ARHGAP6: variants seen among roughly 807,000 people sequenced by gnomAD.
ARHGAP6 encodes rho GTPase-activating protein 6.
In ARHGAP6, 16 loss-of-function variants were observed where a neutral mutation model predicts 55.7. That is an observed-to-expected ratio of 0.29 (90% confidence interval 0.19 to 0.44). ARHGAP6 has a LOEUF of 0.44. Ranked by LOEUF, ARHGAP6 falls within the 20% of genes least tolerant of loss-of-function variation. The pLI is 1.00. For missense variants in ARHGAP6, 698 were observed against 808.9 expected (o/e 0.86, Z 1.66); for synonymous variants, 382 against 360.9 (o/e 1.06, Z -0.66).
intron 1 of ARHGAP6, among the ~76,000 whole-genome samples, chrX:11,401,666 A>G (rs902328444): frequency 8.9e-6 from 1 of 111,832 alleles, no homozygotes; most frequent in Non-Finnish European, 1.9e-5. Context: ...TTACATGTTA[A>G]GAGCTACAGG....
intron 12 of ARHGAP6, among the ~76,000 whole-genome samples, chrX:11,141,299 C>T (rs960227004): frequency 9.0e-6 from 1 of 111,241 alleles, no homozygotes; most frequent in African/African-American, 3.3e-5. Context: ...GACTATCCAA[C>T]GCTGAACTGA....
intron 2 of ARHGAP6, among the ~76,000 whole-genome samples, chrX:11,246,432 G>A (rs1198707082): frequency 3.6e-5 from 4 of 111,591 alleles, no homozygotes; most frequent in Non-Finnish European, 5.7e-5. Context: ...AAAGGTGATC[G>A]ATGCTCTTTA....
intron 8 of ARHGAP6, among the ~76,000 whole-genome samples, chrX:11,176,097 A>G (rs1369443294): frequency 9.9e-6 from 1 of 100,738 alleles, no homozygotes; most frequent in Non-Finnish European, 2.0e-5. Context: ...GAAATGCACT[A>G]ATATGCCACT....
intron 1 of ARHGAP6, among the ~76,000 whole-genome samples, chrX:11,542,027 C>T (rs772401578): frequency 8.3e-5 from 9 of 108,936 alleles, no homozygotes; most frequent in African/African-American, 2.3e-4. Flanking sequence ...TAGATTTAGA[C>T]TGTGCATTTG....
intron 1 of ARHGAP6, among the ~76,000 whole-genome samples, chrX:11,327,924 G>T (rs892492733): frequency 9.0e-6 from 1 of 111,520 alleles, no homozygotes; most frequent in East Asian, 2.8e-4. Context: ...ACTTTACAGG[G>T]TTTTAAAGGT....
intron 2 of ARHGAP6, among the ~76,000 whole-genome samples, chrX:11,240,881 C>T (rs1440322183): frequency 1.3e-5 from 1 of 75,347 alleles, no homozygotes; most frequent in Non-Finnish European, 2.4e-5. Flanking sequence ...CCTGTCTGTA[C>T]TAAAAATACA....
chrX:11,508,345 A>G (rs1457704488), intron 1 of ARHGAP6, among the ~76,000 whole-genome samples: 1 of 111,100 alleles, frequency 9.0e-6, no homozygotes, highest in Non-Finnish European at 1.9e-5. Context: ...AGTATGTCCC[A>G]TGCTATATTT....
At chrX:11,500,678 AAAAAAAG>A (rs1486414818) in intron 1 of ARHGAP6, among the ~76,000 whole-genome samples, 1 of 108,847 alleles carries the variant, frequency 9.2e-6, no homozygotes, top group Admixed American at 1.0e-4. Context: ...AAAAAAAAAA[AAAAAAAG>A]AAGAAGCAAA....
At chrX:11,305,614 A>G (rs995508547) in intron 1 of ARHGAP6, among the ~76,000 whole-genome samples, 11 of 111,750 alleles carry the variant, frequency 9.8e-5, no homozygotes, top group Non-Finnish European at 1.9e-4. Context: ...GATAAAGAGG[A>G]GAAAATAATA....
At chrX:11,634,448 T>G (rs1361355199) in intron 1 of ARHGAP6, among the ~76,000 whole-genome samples, 1 of 111,415 alleles carries the variant, frequency 9.0e-6, no homozygotes, top group Non-Finnish European at 1.9e-5. Context: ...ATGCATACCT[T>G]TTGGATCATT....
At chrX:11,148,213 T>C (rs1274174204) in intron 10 of ARHGAP6, among the ~76,000 whole-genome samples, 2 of 111,994 alleles carry the variant, frequency 1.8e-5, no homozygotes, top group African/African-American at 3.2e-5. Flanking sequence ...CCTAAGAAGA[T>C]AGTTTTGAGT....
chrX:11,437,930 G>A (rs2050002710), intron 1 of ARHGAP6, among the ~76,000 whole-genome samples: 1 of 112,257 alleles, frequency 8.9e-6, no homozygotes, highest in South Asian at 3.7e-4. Context: ...AGAGTCCACT[G>A]TGCTTTTTGG....
At chrX:11,287,893 C>T (rs977961493) in intron 1 of ARHGAP6, among the ~76,000 whole-genome samples, 2 of 112,486 alleles carry the variant, frequency 1.8e-5, no homozygotes, top group African/African-American at 3.2e-5. Context: ...TTTTGGCCTT[C>T]AGCTCCTCTT....
chrX:11,561,336 G>T lies in ARHGAP6; in HGVS notation c.588+102905C>A, dbSNP rs73499095. Among the ~76,000 whole-genome samples, 717 of 111,999 alleles carry T rather than the reference G, an allele frequency of 6.4e-3. 7 individuals are homozygous for T. The highest frequency in any genetic ancestry group is 0.022 in the African/African-American group (682 of 30,813). On this transcript the variant is annotated intron_variant, in intron 1 of 12. Coordinates refer to ENST00000337414, the MANE Select transcript of ARHGAP6 (RefSeq NM_013427.3). Reference sequence around the variant, plus strand: ...CCAGAGATATAAAACTATCTCCAAGGTATGTTAAGTATAAGAAATTGTATA... The same window carrying T: ...CCAGAGATATAAAACTATCTCCAAGTTATGTTAAGTATAAGAAATTGTATA...
At chrX:11,477,852 A>T (rs1350451200) in intron 1 of ARHGAP6, among the ~76,000 whole-genome samples, 1 of 111,840 alleles carries the variant, frequency 8.9e-6, no homozygotes, top group Non-Finnish European at 1.9e-5. Context: ...CCAGGCACTG[A>T]CTGGGAAGGG....
At chrX:11,581,115 C>T (rs2051661031) in intron 1 of ARHGAP6, among the ~76,000 whole-genome samples, 1 of 112,342 alleles carries the variant, frequency 8.9e-6, no homozygotes, top group South Asian at 3.6e-4. Context: ...TAAAAATGGG[C>T]AACAGATTTG....
chrX:11,499,106 G>C (rs757713688), intron 1 of ARHGAP6, among the ~76,000 whole-genome samples: 2 of 112,098 alleles, frequency 1.8e-5, no homozygotes, highest in South Asian at 7.6e-4. Context: ...CCTGGAATGA[G>C]ATGTTTCTGT....
chrX:11,416,890 G>A lies in ARHGAP6; in HGVS notation c.589-162183C>T, dbSNP rs185550147. 5.7e-3 allele frequency among the ~76,000 whole-genome samples: 610 copies of A among 107,651 alleles called. 5 individuals are homozygous for A. The highest frequency in any genetic ancestry group is 0.015 in the African/African-American group (436 of 29,423). 93.5% of individuals were successfully genotyped at this position (107,651 alleles called of 115,157 possible). A position where few individuals can be genotyped will look rare whatever the true frequency, so the allele number is the denominator to read the frequency against. The stretch of plus-strand genomic sequence containing the variant: ...CAGAAATGGATGTGCCGTTAGAACA[G>A]CCATGCAAAGAGGGAGTGTGCCGCA... On this transcript the variant is annotated intron_variant, in intron 1 of 12. Coordinates refer to ENST00000337414, the MANE Select transcript of ARHGAP6 (RefSeq NM_013427.3).
chrX:11,406,722 G>C (rs2049613763), intron 1 of ARHGAP6, among the ~76,000 whole-genome samples: 1 of 111,639 alleles, frequency 9.0e-6, no homozygotes, highest in South Asian at 3.8e-4. Flanking sequence ...CCAGCGAAAG[G>C]CCAGACCGTG....
Sources: gnomAD v4.1 joint callset for allele counts (sites outside exome capture counted in the v4.1 genomes callset) on GRCh38, gnomAD v4.1.1 for gene constraint, MANE v1.5 for transcripts, NCBI Gene and HGNC (gene_info 2026-07-23, HGNC 2026-07-21) for gene names.